EGFLAM: variants seen among roughly 807,000 people sequenced by gnomAD.
EGFLAM encodes pikachurin.
Under a neutral mutation model 113.1 loss-of-function variants are expected in EGFLAM, and 79 were observed. The observed-to-expected ratio is 0.70, with a 90% CI of 0.58 to 0.84. The LOEUF is 0.84. EGFLAM is among the 40% of genes least tolerant of loss of function. EGFLAM has a pLI of 0.00. For missense variants in EGFLAM, 1,265 were observed against 1,291.6 expected, an observed-to-expected ratio of 0.98 and a Z score of 0.32; for synonymous variants, 504 against 487.6, an observed-to-expected ratio of 1.03 and a Z score of -0.44.
At chr5:38,356,223 C>T (rs1394677094) in intron 5 of EGFLAM, among the ~76,000 whole-genome samples, 1 of 152,118 alleles carries the variant, frequency 6.6e-6, no homozygotes, top group Non-Finnish European at 1.5e-5. Flanking sequence ...ATGGGAAGGC[C>T]CAGTCACTTG....
chr5:38,441,878 T>G (rs557779849), intron 17 of EGFLAM, among the ~76,000 whole-genome samples: 2 of 152,280 alleles, frequency 1.3e-5, no homozygotes, highest in East Asian at 3.9e-4. Context: ...CAATTCAGAC[T>G]GTGCAGGATT....
At chr5:38,334,412 C>A (rs1018109661) in intron 1 of EGFLAM, among the ~76,000 whole-genome samples, 1 of 152,138 alleles carries the variant, frequency 6.6e-6, no homozygotes, top group African/African-American at 2.4e-5. Context: ...AGACAGCTGT[C>A]TTCTTGCTGT....
intron 5 of EGFLAM, among the ~76,000 whole-genome samples, chr5:38,369,571 T>A (rs1740151723): frequency 1.3e-5 from 2 of 152,360 alleles, no homozygotes; most frequent in South Asian, 4.1e-4. Flanking sequence ...ATGGCAGTCC[T>A]CTTAGGTAGA....
At chr5:38,396,867 T>A (rs1579866324) in intron 6 of EGFLAM, among the ~76,000 whole-genome samples, 1 of 152,138 alleles carries the variant, frequency 6.6e-6, no homozygotes, top group Non-Finnish European at 1.5e-5. Flanking sequence ...GAGAAGCAGG[T>A]GCATAACACC....
Position 38,407,009 on chromosome 5 carries a change from C to A in EGFLAM, c.1010C>A (p.Ala337Asp). 6.2e-7 allele frequency: 1 copy of A among 1,614,170 alleles called. No homozygotes were observed. Among genetic ancestry groups the A allele is most frequent in the South Asian group, 1.1e-5 (1 of 91,084 alleles). The change falls in exon 8 of 22, where the codon GCC (alanine) becomes GAC (aspartate). Residue 337 changes from alanine to aspartate, a missense_variant. By Grantham distance (126) the Ala-to-Asp change is moderately radical. Coordinates refer to ENST00000322350, the MANE Select transcript of EGFLAM (RefSeq NM_152403.4). ...PIQRKGKNGVAIMSRLFDMPC... is the reference protein window; with the variant it reads ...PIQRKGKNGVDIMSRLFDMPC... ...CAGAGAAAGGGGAAGAATGGTGTGG[C>A]CATAATGTCAAGGCTCTTTGACATG...
intron 21 of EGFLAM, among the ~76,000 whole-genome samples, chr5:38,463,216 T>C (rs1743350238): frequency 6.6e-6 from 1 of 152,204 alleles, no homozygotes; most frequent in African/African-American, 2.4e-5. Flanking sequence ...TTTTATGCTT[T>C]GGACAGATCC....
chr5:38,403,657 G>A (rs139691697), intron 6 of EGFLAM: 73 of 981,504 alleles, frequency 7.4e-5, no homozygotes, highest in African/African-American at 4.1e-4. Flanking sequence ...CTATTTCATC[G>A]TGCTACTCAG....
At chr5:38,360,601 C>T (rs1174049322) in intron 5 of EGFLAM, among the ~76,000 whole-genome samples, 1 of 152,116 alleles carries the variant, frequency 6.6e-6, no homozygotes. Flanking sequence ...GGTTATTTAA[C>T]TTCTCTGGCC....
chr5:38,448,527 C>A, intron 18 of EGFLAM, 148 bp downstream of exon 18: 1 of 751,442 alleles, frequency 1.3e-6, no homozygotes, highest in Non-Finnish European at 2.2e-6. Flanking sequence ...ACACACACAA[C>A]AAGAAATAAA....
intron 1 of EGFLAM, among the ~76,000 whole-genome samples, chr5:38,312,520 G>A (rs554221930): frequency 1.3e-5 from 2 of 152,136 alleles, no homozygotes; most frequent in Admixed American, 6.5e-5. Flanking sequence ...GATTACAGGC[G>A]TGAGCCACCG....
intron 20 of EGFLAM, chr5:38,460,980 TTTG>T (rs1241814697): frequency 2.0e-5 from 3 of 152,266 alleles, no homozygotes; most frequent in Non-Finnish European, 4.4e-5. Flanking sequence ...CTTTTCATAC[TTTG>T]TCTCAATATT....
chr5:38,462,036 C>T (rs1263742114), intron 20 of EGFLAM, among the ~76,000 whole-genome samples: 1 of 152,062 alleles, frequency 6.6e-6, no homozygotes, highest in African/African-American at 2.4e-5. Context: ...GGCGAGGTGG[C>T]GGGCGCCTGT....
intron 16 of EGFLAM, among the ~76,000 whole-genome samples, 155 bp downstream of exon 16, chr5:38,435,408 C>T (rs548432574): frequency 6.6e-6 from 1 of 152,250 alleles, no homozygotes; most frequent in African/African-American, 2.4e-5. Context: ...CACAGCATGG[C>T]TTTCCAACCT....
chr5:38,433,397 T>G (rs943859637), intron 15 of EGFLAM, among the ~76,000 whole-genome samples: 1 of 152,222 alleles, frequency 6.6e-6, no homozygotes, highest in Admixed American at 6.5e-5. Flanking sequence ...TGCTCAGCTT[T>G]GCAAACTGCT....
chr5:38,272,906 C>G lies in EGFLAM; in HGVS notation c.97+14055C>G, dbSNP rs1314765748. On this transcript the variant is annotated intron_variant, in intron 1 of 21. Transcript: ENST00000322350. ...CCAATGTCTGAAATTTACTTTGAAA[C>G]ACATTTAAAAAAATAAGATTTAGAA... 2.0e-5 allele frequency among the ~76,000 whole-genome samples: 3 copies of G among 152,134 alleles called. No individual in the cohort carries two copies. In the South Asian group the frequency reaches 6.2e-4, roughly 32 times the overall value.
intron 1 of EGFLAM, among the ~76,000 whole-genome samples, chr5:38,298,094 T>C (rs958577379): frequency 3.3e-5 from 5 of 151,990 alleles, no homozygotes; most frequent in Admixed American, 6.6e-5. Context: ...ATCTCCAAGC[T>C]TGACAACGTA....
At chr5:38,265,456 G>A (rs757565763) in intron 1 of EGFLAM, among the ~76,000 whole-genome samples, 9 of 152,202 alleles carry the variant, frequency 5.9e-5, no homozygotes, top group African/African-American at 9.7e-5. Flanking sequence ...CTCAAGGCCC[G>A]TGTGCCTTGC....
intron 18 of EGFLAM, among the ~76,000 whole-genome samples, chr5:38,450,342 A>C (rs1265397057): frequency 6.6e-6 from 1 of 152,142 alleles, no homozygotes; most frequent in East Asian, 1.9e-4. Context: ...GAGGCCCTGC[A>C]TGGGAAATGC....
At chr5:38,446,722 C>G (rs2112251262) in intron 17 of EGFLAM, among the ~76,000 whole-genome samples, 1 of 152,284 alleles carries the variant, frequency 6.6e-6, no homozygotes, top group Non-Finnish European at 1.5e-5. Flanking sequence ...TCTGTTTCGT[C>G]CTTTGCTTTT....
Sources: gnomAD v4.1 joint callset for allele counts (sites outside exome capture counted in the v4.1 genomes callset) on GRCh38, gnomAD v4.1.1 for gene constraint, MANE v1.5 for transcripts, NCBI Gene and HGNC (gene_info 2026-07-23, HGNC 2026-07-21) for gene names.